The following KCNQ1OT1 variants were observed in gnomAD, a reference collection of about 807,000 sequenced individuals.
KCNQ1OT1 encodes KCNQ1 antisense RNA 2 (non-protein coding).
Position 2,682,560 on chromosome 11 carries a change from G to A in KCNQ1OT1, n.17435C>T, listed in dbSNP as rs1215424175. ...AGGACCCTGGCAGGGGTTCCATAAG[G>A]CTATGCTGGGGTTCAGGCAACCCAA... is the stretch of plus-strand genomic sequence containing the variant. On this transcript the variant is annotated non_coding_transcript_exon_variant, in exon 1 of 1. Coordinates refer to ENST00000597346, the Ensembl canonical transcript of KCNQ1OT1. The surrounding 1 kb of genome is among the most constrained non-coding windows in gnomAD (Gnocchi z 5.8). The A allele has an allele frequency of 5.0e-6, 2 of 398,444 alleles. No homozygotes were observed. Among genetic ancestry groups the A allele is most frequent in the Non-Finnish European group, 8.8e-6 (2 of 226,096 alleles). The allele number at this position is 398,444 out of a possible 1,614,324, so 24.7% of individuals were successfully genotyped here.
exon 1 of KCNQ1OT1, chr11:2,610,356 TATA>T (rs765954015): frequency 3.1e-4 from 123 of 398,118 alleles, no homozygotes; most frequent in Non-Finnish European, 3.8e-4. Flanking sequence ...GATCATACTA[TATA>T]ATGATATATC....
exon 1 of KCNQ1OT1, chr11:2,685,061 G>A: frequency 5.0e-6 from 2 of 398,626 alleles, no homozygotes; most frequent in Non-Finnish European, 8.8e-6. Flanking sequence ...AAAATGTATG[G>A]GACAGCCTGT....
At chr11:2,615,980 T>C (rs193139657) in exon 1 of KCNQ1OT1, 15 of 398,218 alleles carry the variant, frequency 3.8e-5, no homozygotes, top group Middle Eastern at 6.3e-4. Flanking sequence ...AGTGACGCCA[T>C]CTGTGTAGCA....
In KCNQ1OT1 at chr11:2,659,143, T is replaced by C. The variant is rs1456800002; in HGVS notation, n.40852A>G. 1 of 398,622 alleles carries C rather than the reference T, an allele frequency of 2.5e-6. No individual in the cohort carries two copies. The highest frequency in any genetic ancestry group is 4.4e-6 in the Non-Finnish European group (1 of 226,058). 24.7% of individuals were successfully genotyped at this position (398,622 alleles called of 1,614,324 possible). A position where few individuals can be genotyped will look rare whatever the true frequency, so the allele number is the denominator to read the frequency against. The stretch of plus-strand genomic sequence containing the variant: ...AATTTGCATACAGTAAAATCCACTC[T>C]TTGAGATTCAGTTCTGTGGGTTTTG... On this transcript the variant is annotated non_coding_transcript_exon_variant, in exon 1 of 1. Transcript: ENST00000597346. The surrounding 1 kb of genome is among the most constrained non-coding windows in gnomAD (Gnocchi z 4.3).
Position 2,663,913 on chromosome 11 carries a change from A to T in KCNQ1OT1, n.36082T>A, listed in dbSNP as rs1043976325. 9.0e-5 allele frequency: 36 copies of T among 398,604 alleles called. No homozygotes were observed. Among genetic ancestry groups the T allele is most frequent in the Middle Eastern group, 1.2e-3 (2 of 1,610 alleles). The allele number at this position is 398,604 out of a possible 1,614,324, so 24.7% of individuals were successfully genotyped here. A position where few individuals can be genotyped will look rare whatever the true frequency, so the allele number is the denominator to read the frequency against. The stretch of plus-strand genomic sequence containing the variant: ...AGCCAGTGTGGCTGTGTCATCTAGG[A>T]CACTGGGCTGTTTCTTGTTCCACTC... On this transcript the variant is annotated non_coding_transcript_exon_variant, in exon 1 of 1. Coordinates refer to ENST00000597346, the Ensembl canonical transcript of KCNQ1OT1. The surrounding 1 kb of genome is among the most constrained non-coding windows in gnomAD (Gnocchi z 5.2).
Position 2,617,515 on chromosome 11 carries a change from A to G in KCNQ1OT1, n.82480T>C, listed in dbSNP as rs1332462740. On this transcript the variant is annotated non_coding_transcript_exon_variant, in exon 1 of 1. Transcript: ENST00000597346. The surrounding 1 kb of genome is among the most constrained non-coding windows in gnomAD (Gnocchi z 4.6). ...TCGTGACTCATGCATATAATGCCAC[A>G]ATGAATATAGGAGCGCAGATATCTT... The G allele has an allele frequency of 2.5e-6, 1 of 398,378 alleles. No individual in the cohort carries two copies. The highest frequency in any genetic ancestry group is 4.4e-6 in the Non-Finnish European group (1 of 225,970). The allele number at this position is 398,378 out of a possible 1,614,324, so 24.7% of individuals were successfully genotyped here.
exon 1 of KCNQ1OT1, chr11:2,614,502 T>G (rs1849029227): frequency 1.0e-5 from 4 of 398,382 alleles, no homozygotes; most frequent in Non-Finnish European, 1.8e-5. Flanking sequence ...ACTAAGAAAT[T>G]TATGCCTTTA....
chr11:2,686,913 A>G, exon 1 of KCNQ1OT1: 2 of 398,672 alleles, frequency 5.0e-6, no homozygotes, highest in Non-Finnish European at 8.8e-6. Context: ...AACCCAATCC[A>G]GGTCCATGCA....
chr11:2,651,265 C>A lies in KCNQ1OT1; in HGVS notation n.48730G>T. On this transcript the variant is annotated non_coding_transcript_exon_variant, in exon 1 of 1. Coordinates refer to ENST00000597346, the Ensembl canonical transcript of KCNQ1OT1. This position sits in a 1 kb window ranked among gnomAD's most constrained non-coding sequence, Gnocchi z 6.1. ...AATTCAGGAATTAAGCTGTGCTGGT[C>A]ACTTATTGAGAAAGAGCTTCATGGT... 5.0e-6 allele frequency: 2 copies of A among 398,544 alleles called. No homozygotes were observed. The highest frequency in any genetic ancestry group is 2.6e-4 in the South Asian group (2 of 7,766). The allele number at this position is 398,544 out of a possible 1,614,324, so 24.7% of individuals were successfully genotyped here. A position where few individuals can be genotyped will look rare whatever the true frequency, so the allele number is the denominator to read the frequency against.
At position 2,671,910 on chromosome 11, in the gene KCNQ1OT1, C is replaced by T. The variant is rs1306708742; in HGVS notation, n.28085G>A. ...GCACCAGGCAGCCAGCCTGTGGGCC[C>T]CGCTATGCTTCCTCAGGCAGCTAGT... On this transcript the variant is annotated non_coding_transcript_exon_variant, in exon 1 of 1. Coordinates refer to ENST00000597346, the Ensembl canonical transcript of KCNQ1OT1. This position sits in a 1 kb window ranked among gnomAD's most constrained non-coding sequence, Gnocchi z 4.7. The T allele has an allele frequency of 5.0e-6, 2 of 398,552 alleles. No individual in the cohort carries two copies. Among genetic ancestry groups the T allele is most frequent in the Non-Finnish European group, 8.8e-6 (2 of 226,118 alleles). 24.7% of individuals were successfully genotyped at this position (398,552 alleles called of 1,614,324 possible).
At chr11:2,635,856 T>A (rs1306458036) in exon 1 of KCNQ1OT1, 1 of 152,164 alleles carries the variant, frequency 6.6e-6, no homozygotes, top group African/African-American at 2.4e-5. Flanking sequence ...TCTTTTATTT[T>A]GTTCAGCAGT....
Position 2,621,354 on chromosome 11 carries a change from A to T in KCNQ1OT1, n.78641T>A, listed in dbSNP as rs1407654983. The T allele has an allele frequency of 2.5e-6, 1 of 398,558 alleles. No individual in the cohort carries two copies. The highest frequency in any genetic ancestry group is 2.1e-5 in the African/African-American group (1 of 48,718). The allele number at this position is 398,558 out of a possible 1,614,324, so 24.7% of individuals were successfully genotyped here. A position where few individuals can be genotyped will look rare whatever the true frequency, so the allele number is the denominator to read the frequency against. On this transcript the variant is annotated non_coding_transcript_exon_variant, in exon 1 of 1. Coordinates refer to ENST00000597346, the Ensembl canonical transcript of KCNQ1OT1. The surrounding 1 kb of genome is among the most constrained non-coding windows in gnomAD (Gnocchi z 5.7). ...GGCTACTTCTGTATTTTCTTTTAAG[A>T]AATGTATGTTCCTGTCCTTTGCCAA...
chr11:2,666,096 C>T, exon 1 of KCNQ1OT1: 1 of 398,670 alleles, frequency 2.5e-6, no homozygotes, highest in Non-Finnish European at 4.4e-6. Flanking sequence ...TCTGCCCAGC[C>T]CAGTCATGTG....
chr11:2,648,981 CTTTTTT>C, exon 1 of KCNQ1OT1: 308 of 308,074 alleles, frequency 1.0e-3, no homozygotes, highest in South Asian at 1.6e-3. Context: ...TTTTCTTTTT[CTTTTTT>C]TTTTTTTTTT....
rs1402213613 is a variant in KCNQ1OT1 at position 2,657,075 on chromosome 11, G to A, written n.42920C>T. 2.5e-6 allele frequency: 1 copy of A among 398,452 alleles called. No individual in the cohort carries two copies. Among genetic ancestry groups the A allele is most frequent in the African/African-American group, 2.1e-5 (1 of 48,618 alleles). 24.7% of individuals were successfully genotyped at this position (398,452 alleles called of 1,614,324 possible). A position where few individuals can be genotyped will look rare whatever the true frequency, so the allele number is the denominator to read the frequency against. On this transcript the variant is annotated non_coding_transcript_exon_variant, in exon 1 of 1. Coordinates refer to ENST00000597346, the Ensembl canonical transcript of KCNQ1OT1. This position sits in a 1 kb window ranked among gnomAD's most constrained non-coding sequence, Gnocchi z 4.8. ...CCCAATGCTCAATCCTGTCCCATTGGCCTATTTGTCTCTCCCTGTGTCAAT... is the reference window on the plus strand; with the variant it reads ...CCCAATGCTCAATCCTGTCCCATTGACCTATTTGTCTCTCCCTGTGTCAAT...
Position 2,612,587 on chromosome 11 carries a change from GGTT to G in KCNQ1OT1, n.87405_87407del, listed in dbSNP as rs1205851366. 1.3e-5 allele frequency: 5 copies of G among 398,340 alleles called. No homozygotes were observed. The highest frequency in any genetic ancestry group is 8.2e-5 in the African/African-American group (4 of 48,672). The allele number at this position is 398,340 out of a possible 1,614,324, so 24.7% of individuals were successfully genotyped here. A position where few individuals can be genotyped will look rare whatever the true frequency, so the allele number is the denominator to read the frequency against. On this transcript the variant is annotated non_coding_transcript_exon_variant, in exon 1 of 1. Transcript: ENST00000597346. This position sits in a 1 kb window ranked among gnomAD's most constrained non-coding sequence, Gnocchi z 5.5. ...TTTCACAACTACAGAATTTCTATTT[GGTT>G]TCTAATTTCTATCTCTATATTGATA...
chr11:2,662,613 G>A, exon 1 of KCNQ1OT1: 2 of 414,380 alleles, frequency 4.8e-6, no homozygotes. Flanking sequence ...TCACGGCATG[G>A]CCAGGCCAAT....
At chr11:2,614,698 AT>A in exon 1 of KCNQ1OT1, 1 of 398,426 alleles carries the variant, frequency 2.5e-6, no homozygotes, top group Non-Finnish European at 4.4e-6. Flanking sequence ...GTGAGTGTTT[AT>A]TTCTACATTC....
At chr11:2,666,981 G>T in exon 1 of KCNQ1OT1, 2 of 398,738 alleles carry the variant, frequency 5.0e-6, no homozygotes, top group Non-Finnish European at 8.8e-6. Flanking sequence ...GCCCGCCCGG[G>T]AGGGCTGTAC....
Sources: allele counts gnomAD v4.1 joint callset, GRCh38; gene constraint gnomAD v4.1.1; non-coding constraint Gnocchi (gnomAD v3.1); transcripts MANE v1.5; gene names NCBI Gene and HGNC (gene_info 2026-07-23, HGNC 2026-07-21).